The following CHD4 variants were observed in gnomAD, a reference collection of about 807,000 sequenced individuals.
CHD4 encodes the protein ATP-dependent chromatin remodeler CHD4.
CHD4 carries 35 observed loss-of-function variants against 235.5 expected under a neutral mutation model. That is an observed-to-expected ratio of 0.15 (90% CI 0.11 to 0.20). CHD4 has a LOEUF of 0.20. Among genes scored for constraint, CHD4 ranks in the 10% least tolerant of loss-of-function variants. CHD4 has a pLI of 1.00. For synonymous variants in CHD4, 900 were observed against 850.2 expected (o/e 1.06, Z -1.02); for missense variants, 1,329 against 2,432.3 (o/e 0.55, Z 9.54).
At chr12:6,595,477 GAAGA>G in intron 13 of CHD4, 47 bp from the exon 14 acceptor site, 1 of 1,558,394 alleles carries the variant, frequency 6.4e-7, no homozygotes, top group African/African-American at 1.4e-5. Flanking sequence ...CTTTTCTATA[GAAGA>G]AACAACTTGG....
intron 37 of CHD4, among the ~76,000 whole-genome samples, chr12:6,577,430 A>AAG (rs1555161165): frequency 6.7e-6 from 1 of 148,622 alleles, no homozygotes; most frequent in African/African-American, 2.4e-5. Context: ...AAAAAAAAAA[A>AAG]AAAAAAAAAC....
intron 10 of CHD4, among the ~76,000 whole-genome samples, chr12:6,599,524 A>C (rs1362751125): frequency 6.6e-6 from 1 of 152,194 alleles, no homozygotes; most frequent in East Asian, 1.9e-4. Flanking sequence ...ACAGGGACAA[A>C]TGTTCTCAGC....
In CHD4 at chr12:6,573,059, G is replaced by A; in HGVS notation, c.5557+15C>T. 1 of 1,589,514 alleles carries A rather than the reference G, an allele frequency of 6.3e-7. No individual in the cohort carries two copies. The highest frequency in any genetic ancestry group is 8.5e-7 in the Non-Finnish European group (1 of 1,171,572). On this transcript the variant is annotated intron_variant, in intron 38 of 39. Transcript: ENST00000544040. Reference sequence around the variant, plus strand: ...GGAGGCCGAATCGGCAGGAGGCAGGGGAGCCACTGGCTACCTTTGTGCAGG... The same window carrying A: ...GGAGGCCGAATCGGCAGGAGGCAGGAGAGCCACTGGCTACCTTTGTGCAGG...
In CHD4 at chr12:6,593,663, G is replaced by A; in HGVS notation, c.2314-47C>T. The A allele has an allele frequency of 1.3e-6, 2 of 1,567,624 alleles. No homozygotes were observed. The highest frequency in any genetic ancestry group is 1.1e-5 in the South Asian group (1 of 89,588). ...TCAGGACTGAGGGCCCCAGCACACT[G>A]CAACCCCAGCGAACACCCACCACCC... is the stretch of plus-strand genomic sequence containing the variant. On this transcript the variant is annotated intron_variant, in intron 15 of 39. Coordinates refer to ENST00000544040, the MANE Select transcript of CHD4 (RefSeq NM_001273.5). This position sits in a 1 kb window ranked among gnomAD's most constrained non-coding sequence, Gnocchi z 4.9.
chr12:6,578,092 G>C lies in CHD4; in HGVS notation c.5165C>G (p.Thr1722Ser), dbSNP rs753507739. Residue 1722 changes from threonine (T) to serine (S), a missense_variant, in exon 36 of 40, where the codon ACC (threonine) becomes AGC (serine). Thr to Ser is a moderately conservative substitution (Grantham distance 58). Around this residue, in one of 26 missense-constraint regions of CHD4, gnomAD observed 135 missense variants for 282.3 expected, o/e 0.48. Coordinates refer to ENST00000544040, the MANE Select transcript of CHD4 (RefSeq NM_001273.5). ...ATGCCAGATCTCATAAGTCTTCTTG[G>C]TAACTGTGGCTGCCCGCTCTTCATT... ...WQNEERAATV[T>S]KKTYEIWHRR... is the part of the protein sequence containing the mutation. 3.1e-6 allele frequency: 5 copies of C among 1,613,274 alleles called. No individual in the cohort carries two copies. The East Asian group carries it at 1.1e-4, about 36-fold the overall frequency.
chr12:6,596,757 G>A (rs1220443440), intron 12 of CHD4, among the ~76,000 whole-genome samples: 6 of 151,640 alleles, frequency 4.0e-5, no homozygotes, highest in East Asian at 2.0e-4. Flanking sequence ...CTGAGATTGC[G>A]CCACTGCACT....
At chr12:6,591,083 G>A (rs976801077) in intron 22 of CHD4, among the ~76,000 whole-genome samples, 61 of 132,966 alleles carry the variant, frequency 4.6e-4, no homozygotes, top group Middle Eastern at 0.011. Context: ...AGATCGTGCC[G>A]CTGCACTCCA....
intron 22 of CHD4, chr12:6,590,093 G>A (rs1948366025): frequency 6.6e-6 from 1 of 152,150 alleles, no homozygotes; most frequent in Admixed American, 6.5e-5. Flanking sequence ...AGCTACTCAG[G>A]AGGCTGAGAC....
chr12:6,605,719 G>A (rs916960605), intron 2 of CHD4, among the ~76,000 whole-genome samples: 1 of 152,100 alleles, frequency 6.6e-6, no homozygotes, highest in African/African-American at 2.4e-5. Flanking sequence ...CTGCCTGGCT[G>A]CTTTAAGCAC....
chr12:6,571,395 T>A, intron 38 of CHD4: 1 of 207,320 alleles, frequency 4.8e-6, no homozygotes. Flanking sequence ...CCTTTTACTT[T>A]AATTAGAAAC....
At chr12:6,588,162 A>C in intron 23 of CHD4, 136 bp downstream of exon 23, 1 of 1,283,308 alleles carries the variant, frequency 7.8e-7, no homozygotes. Flanking sequence ...GGCTTACAAT[A>C]AGGTAAACAA....
rs371667614 is a variant in CHD4, at chr12:6,573,272, G to A, written c.5362-3C>T. 27 of 1,552,052 alleles carry A rather than the reference G, an allele frequency of 1.7e-5. No individual in the cohort carries two copies. The Middle Eastern group carries it at 6.8e-4, about 39-fold the overall frequency. ...ATCACCAGAGCTTGTTCTAAGAGCT[G>A]GACAAGGGATAAGAGGAAACGGGAG... On this transcript the variant is annotated splice_region_variant and splice_polypyrimidine_tract_variant and intron_variant, in intron 37 of 39. Transcript: ENST00000544040.
chr12:6,586,053 T>A (rs1948287087), intron 25 of CHD4, among the ~76,000 whole-genome samples: 1 of 151,198 alleles, frequency 6.6e-6, no homozygotes, highest in Non-Finnish European at 1.5e-5. Context: ...TAGGCTGTGA[T>A]CGCACCACTG....
At chr12:6,580,055 CAAAAAAAAAA>C (rs766330469) in intron 33 of CHD4, among the ~76,000 whole-genome samples, 2 of 69,026 alleles carry the variant, frequency 2.9e-5, no homozygotes, top group South Asian at 9.5e-4. Context: ...GACTCCGTCT[CAAAAAAAAAA>C]AAAAAAAAAA....
At chr12:6,579,964 G>A (rs370159668) in intron 33 of CHD4, among the ~76,000 whole-genome samples, 3 of 150,968 alleles carry the variant, frequency 2.0e-5, no homozygotes, top group African/African-American at 7.3e-5. Context: ...GCTGAGGCAG[G>A]AGAATGGTGT....
chr12:6,587,639 G>A lies in CHD4; in HGVS notation c.3703+73C>T, dbSNP rs528695304. On this transcript the variant is annotated intron_variant, in intron 24 of 39. Transcript: ENST00000544040. Reference sequence around the variant, plus strand: ...AAAAAGCAAGTCCCACAAGACCCTTGGTATCAAAGATTCTCCCTAACCTTT... The same window carrying A: ...AAAAAGCAAGTCCCACAAGACCCTTAGTATCAAAGATTCTCCCTAACCTTT... 3.1e-6 allele frequency: 5 copies of A among 1,603,680 alleles called. No homozygotes were observed. The African/African-American group carries it at 6.7e-5, about 21-fold the overall frequency.
intron 12 of CHD4, among the ~76,000 whole-genome samples, chr12:6,596,812 T>C (rs970394335): frequency 1.4e-5 from 2 of 145,408 alleles, no homozygotes; most frequent in African/African-American, 5.1e-5. Flanking sequence ...AAAAAAAAAT[T>C]AGGCAGGCGT....
chr12:6,595,436 GAAGA>G lies in CHD4; in HGVS notation c.2025-10_2025-7del. 1 of 1,612,774 alleles carries G rather than the reference GAAGA, an allele frequency of 6.2e-7. No individual in the cohort carries two copies. Among genetic ancestry groups the G allele is most frequent in the African/African-American group, 1.3e-5 (1 of 74,944 alleles). The stretch of plus-strand genomic sequence containing the variant: ...CCTCACCCCTCATTAACTCCCTAAA[GAAGA>G]AAGACATCACACAGCTGCCCAAAAT... On this transcript the variant is annotated splice_polypyrimidine_tract_variant and splice_region_variant and intron_variant, in intron 13 of 39. Transcript: ENST00000544040.
chr12:6,606,382 G>C lies in CHD4; in HGVS notation c.-9C>G. 2 of 1,563,230 alleles carry C rather than the reference G, an allele frequency of 1.3e-6. No individual in the cohort carries two copies. Among genetic ancestry groups the C allele is most frequent in the Non-Finnish European group, 1.7e-6 (2 of 1,157,160 alleles). On this transcript the variant is annotated 5_prime_UTR_variant, in exon 2 of 40. Coordinates refer to ENST00000544040, the MANE Select transcript of CHD4 (RefSeq NM_001273.5). The stretch of plus-strand genomic sequence containing the variant: ...CCCAGGCCCGACGCCATCCCCTTCC[G>C]CTCCCGGCCAGGGAATTGGCCCAGC...
Sources: gnomAD v4.1 joint callset for allele counts (sites outside exome capture counted in the v4.1 genomes callset) on GRCh38, gnomAD v4.1.1 for gene constraint, gnomAD v4.1.1 regional missense constraint, Gnocchi (gnomAD v3.1) non-coding constraint, MANE v1.5 for transcripts, NCBI Gene and HGNC (gene_info 2026-07-23, HGNC 2026-07-21) for gene names.